Variants in KSR1 observed in about 807,000 individuals in gnomAD.
KSR1 encodes kinase suppressor of ras 1.
In KSR1, 35 loss-of-function variants were observed where a neutral mutation model predicts 92.9. That is an observed-to-expected ratio of 0.38 (90% CI 0.29 to 0.50). The LOEUF (loss-of-function observed/expected upper bound fraction) is 0.50, where lower values mean the gene tolerates loss of function less well. KSR1 is among the 20% of genes least tolerant of loss of function. KSR1 has a pLI of 0.94. For missense variants in KSR1, 972 were observed against 1,158.5 expected (o/e 0.84, Z 2.34); for synonymous variants, 467 against 472.6 (o/e 0.99, Z 0.15).
At chr17:27,620,919 C>T (rs2074205844) in intron 19 of KSR1, 1 of 317,254 alleles carries the variant, frequency 3.2e-6, no homozygotes, top group Non-Finnish European at 5.7e-6. Context: ...GGAAAGCATG[C>T]GGGCTTTCCT....
intron 11 of KSR1, chr17:27,601,966 A>G (rs954810761): frequency 2.5e-6 from 4 of 1,592,144 alleles, no homozygotes; most frequent in Non-Finnish European, 3.4e-6. Context: ...TCAGTAAGTC[A>G]ATACATTGAG....
chr17:27,476,511 G>C (rs983595296), intron 1 of KSR1, among the ~76,000 whole-genome samples: 2 of 152,210 alleles, frequency 1.3e-5, no homozygotes, highest in African/African-American at 4.8e-5. Flanking sequence ...CTGTGGTGCC[G>C]TTGGTATGAG....
At position 27,478,934 on chromosome 17, in the gene KSR1, T is replaced by C. The variant is rs527990055; in HGVS notation, c.231+22060T>C. On this transcript the variant is annotated intron_variant, in intron 1 of 20. Coordinates refer to ENST00000644974, the MANE Select transcript of KSR1 (RefSeq NM_001394583.1). ...TGGACTTCCATCCATGCTCCTCCCTTCATCCATGCTCCTCCCTCCATTCAT... is the reference window on the plus strand; with the variant it reads ...TGGACTTCCATCCATGCTCCTCCCTCCATCCATGCTCCTCCCTCCATTCAT... Among the ~76,000 whole-genome samples the C allele has an allele frequency of 1.4e-3, 211 of 148,056 alleles. 2 individuals carry two copies. The highest frequency in any genetic ancestry group is 4.8e-3 in the African/African-American group (191 of 39,982).
chr17:27,553,911 C>A (rs1000306390), intron 2 of KSR1, among the ~76,000 whole-genome samples: 2 of 152,204 alleles, frequency 1.3e-5, no homozygotes, highest in Non-Finnish European at 2.9e-5. Flanking sequence ...TAGAGCAGCT[C>A]TCCAGGGCTT....
intron 1 of KSR1, among the ~76,000 whole-genome samples, chr17:27,542,966 AGAG>A: frequency 6.6e-6 from 1 of 152,316 alleles, no homozygotes; most frequent in East Asian, 1.9e-4. Flanking sequence ...AGCTTCTCGC[AGAG>A]GAGATGGGAC....
At chr17:27,590,478 C>CT (rs1220283111) in intron 6 of KSR1, among the ~76,000 whole-genome samples, 2 of 152,144 alleles carry the variant, frequency 1.3e-5, no homozygotes, top group Non-Finnish European at 2.9e-5. Context: ...ACATGTGGGC[C>CT]TATGTGTTGG....
intron 20 of KSR1, chr17:27,621,955 A>G (rs762242864): frequency 6.2e-7 from 1 of 1,612,666 alleles, no homozygotes; most frequent in Admixed American, 1.7e-5. Flanking sequence ...CCTTGCATGC[A>G]CCAGGGGCTT....
chr17:27,528,055 A>T (rs992651129), intron 1 of KSR1, among the ~76,000 whole-genome samples: 1 of 152,084 alleles, frequency 6.6e-6, no homozygotes, highest in Non-Finnish European at 1.5e-5. Flanking sequence ...GTGTAAGTTA[A>T]TGCATTTATT....
chr17:27,621,149 G>A (rs570922688), intron 19 of KSR1, 44 bp from the exon 20 acceptor site: 4 of 398,680 alleles, frequency 1.0e-5, no homozygotes, highest in South Asian at 2.5e-4. Context: ...GGGCCGGACT[G>A]CGCTCTTCCC....
chr17:27,611,122 G>T (rs568672947), intron 17 of KSR1, among the ~76,000 whole-genome samples: 2 of 152,184 alleles, frequency 1.3e-5, no homozygotes, highest in African/African-American at 4.8e-5. Context: ...CAGGTGCTGG[G>T]CTTGGCAATT....
chr17:27,566,554 C>A (rs772120843), intron 2 of KSR1: 62 of 399,050 alleles, frequency 1.6e-4, no homozygotes, highest in Non-Finnish European at 2.6e-4. Context: ...GTGAGCCCAC[C>A]TGGGCTGGAG....
chr17:27,551,423 A>T (rs1185762046), intron 2 of KSR1, among the ~76,000 whole-genome samples: 7 of 152,172 alleles, frequency 4.6e-5, no homozygotes, highest in Admixed American at 6.5e-5. Context: ...CTTCTATCCT[A>T]AAATTGAAAA....
At position 27,510,367 on chromosome 17, in the gene KSR1, G is replaced by A. The variant is rs545655129; in HGVS notation, c.232-40201G>A. Among the ~76,000 whole-genome samples the A allele has an allele frequency of 2.4e-4, 37 of 152,298 alleles. 1 individual carries two copies. Among genetic ancestry groups the A allele is most frequent in the Admixed American group, 8.5e-4 (13 of 15,300 alleles). On this transcript the variant is annotated intron_variant, in intron 1 of 20. Coordinates refer to ENST00000644974, the MANE Select transcript of KSR1 (RefSeq NM_001394583.1). Reference sequence around the variant, plus strand: ...CCCTCATCTCTAAAAGGGAGTGTTGGTGGTGATAAAACTTATTCACTGAAG... The same window carrying A: ...CCCTCATCTCTAAAAGGGAGTGTTGATGGTGATAAAACTTATTCACTGAAG...
chr17:27,600,716 C>T (rs918746172), intron 10 of KSR1, among the ~76,000 whole-genome samples: 7 of 152,180 alleles, frequency 4.6e-5, no homozygotes, highest in Non-Finnish European at 8.8e-5. Flanking sequence ...TAATTAGGGC[C>T]ACCGTCATGT....
intron 1 of KSR1, chr17:27,526,885 T>C (rs1597952281): frequency 3.1e-6 from 2 of 650,356 alleles, no homozygotes; most frequent in East Asian, 5.2e-5. Flanking sequence ...TCCAGCAGCA[T>C]GCTGGTGATC....
chr17:27,608,882 C>T (rs1056824707), intron 15 of KSR1, among the ~76,000 whole-genome samples: 3 of 152,174 alleles, frequency 2.0e-5, no homozygotes, highest in Non-Finnish European at 4.4e-5. Flanking sequence ...TCCCTGACCC[C>T]CCGGCTCCCT....
At position 27,459,964 on chromosome 17, in the gene KSR1, A is replaced by G. The variant is rs2150896665; in HGVS notation, c.231+3090A>G. 6.6e-6 allele frequency among the ~76,000 whole-genome samples: 1 copy of G among 152,306 alleles called. No homozygotes were observed. The highest frequency in any genetic ancestry group is 2.4e-5 in the African/African-American group (1 of 41,552). ...AGCGTGCCTGACTCTTCTCAAACTC[A>G]CACACGTTCCTGGAGATCAGCAGTT... On this transcript the variant is annotated intron_variant, in intron 1 of 20. Coordinates refer to ENST00000644974, the MANE Select transcript of KSR1 (RefSeq NM_001394583.1). The surrounding 1 kb of genome is among the most constrained non-coding windows in gnomAD (Gnocchi z 4.6).
chr17:27,563,000 G>A (rs1474077184), intron 2 of KSR1, among the ~76,000 whole-genome samples: 2 of 151,762 alleles, frequency 1.3e-5, no homozygotes, highest in African/African-American at 4.8e-5. Flanking sequence ...CTGACTCATT[G>A]TGCTTCCTCA....
Position 27,456,709 on chromosome 17 carries a change from T to A in KSR1, c.66T>A (p.Asp22Glu). 1 of 899,946 alleles carries A rather than the reference T, an allele frequency of 1.1e-6. No individual in the cohort carries two copies. Among genetic ancestry groups the A allele is most frequent in the South Asian group, 1.4e-5 (1 of 72,530 alleles). 55.7% of individuals were successfully genotyped at this position (899,946 alleles called of 1,614,324 possible). A position where few individuals can be genotyped will look rare whatever the true frequency, so the allele number is the denominator to read the frequency against. Residue 22 changes from aspartate to glutamate, a missense_variant, in exon 1 of 21, where the codon GAT becomes GAA. This residue lies in a region of KSR1 where 36 missense variants were observed against 16.0 expected (regional missense o/e 2.25). Transcript: ENST00000644974. ...GEKKEGGGGG[D>E]AAAAEGGAGA... ...AGAAGGAGGGCGGTGGCGGGGGGGA[T>A]GCGGCGGCCGCGGAGGGAGGCGCAG...
Sources: allele counts gnomAD v4.1 joint callset (sites outside exome capture counted in the v4.1 genomes callset), GRCh38; gene constraint gnomAD v4.1.1; regional missense constraint gnomAD v4.1.1; non-coding constraint Gnocchi (gnomAD v3.1); transcripts MANE v1.5; gene names NCBI Gene and HGNC (gene_info 2026-07-23, HGNC 2026-07-21).